SATB1: variants seen among roughly 807,000 people sequenced by gnomAD.
SATB1 encodes the protein SATB homeobox 1.
A neutral mutation model predicts 86.9 loss-of-function variants in SATB1; 11 were observed. The observed-to-expected ratio is 0.13, with a 90% confidence interval of 0.08 to 0.21. SATB1 has a LOEUF of 0.21. Among genes scored for constraint, SATB1 ranks in the 10% least tolerant of loss-of-function variants. The probability of loss-of-function intolerance (pLI) is 1.00; values close to 1 mark genes in which losing one functional copy is unlikely to be tolerated. For synonymous variants in SATB1, 357 were observed against 357.2 expected (o/e 1.00, Z 0.01); for missense variants, 551 against 937.6 (o/e 0.59, Z 5.39).
rs541604721 is a variant in SATB1 at position 18,425,073 on chromosome 3, T to C, written c.-1471A>G. On this transcript the variant is annotated 5_prime_UTR_variant, in exon 1 of 11. Transcript: ENST00000338745. ...GTTGACTCATCCCGGCCGCTGTCGC[T>C]GCCGCCGCCGTGCCCCGCTCGGCTC... 75 of 158,368 alleles carry C rather than the reference T, an allele frequency of 4.7e-4. 1 individual carries two copies. The Middle Eastern group carries it at 8.9e-3, about 19-fold the overall frequency. 9.8% of individuals were successfully genotyped at this position (158,368 alleles called of 1,614,324 possible). A position where few individuals can be genotyped will look rare whatever the true frequency, so the allele number is the denominator to read the frequency against.
chr3:18,426,414 G>T (rs1170044857), upstream of SATB1, among the ~76,000 whole-genome samples: 1 of 152,162 alleles, frequency 6.6e-6, no homozygotes, highest in Non-Finnish European at 1.5e-5. The surrounding 1 kb of genome is among the most constrained non-coding windows in gnomAD (Gnocchi z 4.2). Flanking sequence ...ATTTACGCTA[G>T]GCAAAAGAGG....
chr3:18,348,954 A>T lies in SATB1; in HGVS notation c.*216T>A. 1 of 699,022 alleles carries T rather than the reference A, an allele frequency of 1.4e-6. No individual in the cohort carries two copies. The highest frequency in any genetic ancestry group is 2.3e-6 in the Non-Finnish European group (1 of 440,278). 43.3% of individuals were successfully genotyped at this position (699,022 alleles called of 1,614,324 possible). On this transcript the variant is annotated 3_prime_UTR_variant, in exon 11 of 11. Transcript: ENST00000338745. ...AAATTTTAATACCAAACAATCCTTG[A>T]TGCTTCACCTGGGGCTGCCAAGCAG...
At chr3:18,442,823 C>T (rs1699275091), upstream of SATB1, among the ~76,000 whole-genome samples, 1 of 152,314 alleles carries the variant, frequency 6.6e-6, no homozygotes, top group Middle Eastern at 3.4e-3. Flanking sequence ...CATGCTATTC[C>T]TGTCTGCACA....
chr3:18,393,082 G>T (rs925304595), intron 7 of SATB1, among the ~76,000 whole-genome samples: 2 of 151,844 alleles, frequency 1.3e-5, no homozygotes, highest in Non-Finnish European at 1.5e-5. Flanking sequence ...AGTCACAGCT[G>T]GGATTCTCCT....
chr3:18,370,536 AGAGG>A (rs1559407441), intron 9 of SATB1, among the ~76,000 whole-genome samples: 19 of 140,940 alleles, frequency 1.3e-4, no homozygotes, highest in South Asian at 4.5e-4. Flanking sequence ...AAAAAAAAAA[AGAGG>A]AAAAACAAAA....
chr3:18,371,038 A>G (rs1177985733), intron 9 of SATB1, among the ~76,000 whole-genome samples: 2 of 152,212 alleles, frequency 1.3e-5, no homozygotes, highest in African/African-American at 2.4e-5. Context: ...ACCTTATTAT[A>G]TGACAGCATG....
chr3:18,388,041 A>G (rs1324950497), intron 7 of SATB1, among the ~76,000 whole-genome samples: 1 of 152,136 alleles, frequency 6.6e-6, no homozygotes, highest in Non-Finnish European at 1.5e-5. Context: ...GTCCATTTTA[A>G]AGTTGTCTCT....
intron 9 of SATB1, among the ~76,000 whole-genome samples, chr3:18,361,433 T>C (rs1396252567): frequency 6.6e-6 from 1 of 152,148 alleles, no homozygotes; most frequent in African/African-American, 2.4e-5. Context: ...CACAAGGGAT[T>C]TGAATATCAA....
chr3:18,355,746 C>T (rs997223973), intron 9 of SATB1, among the ~76,000 whole-genome samples: 4 of 151,932 alleles, frequency 2.6e-5, no homozygotes, highest in African/African-American at 9.7e-5. Flanking sequence ...GAACAGGGAA[C>T]TGTTCTCTAA....
intron 2 of SATB1, 193 bp from the exon 3 acceptor site, chr3:18,417,271 CAG>C (rs2125163646): frequency 1.7e-6 from 1 of 587,808 alleles, no homozygotes; most frequent in East Asian, 3.0e-5. Flanking sequence ...AAAGTCGTAA[CAG>C]AAATATTTAA....
At chr3:18,431,138 CA>C (rs1190601955) in intron 2 of SATB1, among the ~76,000 whole-genome samples, 2 of 152,054 alleles carry the variant, frequency 1.3e-5, no homozygotes, top group Non-Finnish European at 2.9e-5. Flanking sequence ...GACCCAGATC[CA>C]AAATCGAGTA....
Position 18,394,770 on chromosome 3 carries a change from G to A in SATB1, c.898C>T (p.Leu300Phe), listed in dbSNP as rs750201360. The change falls in exon 7 of 11, where the codon CTT (leucine) becomes TTT (phenylalanine). Residue 300 changes from leucine to phenylalanine, a missense_variant. Leu to Phe is a conservative substitution (Grantham distance 22, BLOSUM62 0). Around this residue, in one of 8 missense-constraint regions of SATB1, gnomAD observed 119 missense variants for 171.1 expected, o/e 0.70. Transcript: ENST00000338745. The surrounding 1 kb of genome is among the most constrained non-coding windows in gnomAD (Gnocchi z 5.9). ...ACGAGCCCAGGGTGCAGGTTTGGAA[G>A]AGGTGTCCGGACAGAGGGCTGGCTG... ...HGSQPSVRTP[L>F]PNLHPGLVST... The A allele has an allele frequency of 6.2e-7, 1 of 1,614,172 alleles. No homozygotes were observed. The highest frequency in any genetic ancestry group is 1.7e-5 in the Admixed American group (1 of 60,020).
chr3:18,358,404 G>A (rs1386507798), intron 9 of SATB1, among the ~76,000 whole-genome samples: 1 of 151,932 alleles, frequency 6.6e-6, no homozygotes, highest in Non-Finnish European at 1.5e-5. Flanking sequence ...AAAGATACAT[G>A]TTCTCCTCTA....
rs567912508 is a variant in SATB1, at chr3:18,406,838, G to A, written c.639+8273C>T. 2.4e-3 allele frequency among the ~76,000 whole-genome samples: 370 copies of A among 152,138 alleles called. 2 individuals are homozygous for A. The highest frequency in any genetic ancestry group is 4.0e-3 in the Admixed American group (61 of 15,254). On this transcript the variant is annotated intron_variant, in intron 5 of 10. Coordinates refer to ENST00000338745, the MANE Select transcript of SATB1 (RefSeq NM_002971.6). ...ATAAGATAGGATACTGTAGATAAAA[G>A]TATAAAGTACTACTAATACAACTAC...
Position 18,444,813 on chromosome 3 carries a change from C to A in SATB1, c.-25+705G>T. The A allele has an allele frequency of 4.3e-6, 1 of 234,042 alleles. No homozygotes were observed. The highest frequency in any genetic ancestry group is 6.9e-6 in the Non-Finnish European group (1 of 144,914). 14.5% of individuals were successfully genotyped at this position (234,042 alleles called of 1,614,324 possible). A position where few individuals can be genotyped will look rare whatever the true frequency, so the allele number is the denominator to read the frequency against. On this transcript the variant is annotated intron_variant, in intron 1 of 3. Coordinates refer to the SATB1 transcript ENST00000415069. This position sits in a 1 kb window ranked among gnomAD's most constrained non-coding sequence, Gnocchi z 5.1. The stretch of plus-strand genomic sequence containing the variant: ...GTCCTCTTTCCCCATACGAAGTGGG[C>A]GTTTAAAGGGGAGAGCGAGGCGAGG...
chr3:18,421,040 G>A (rs1429708647), intron 1 of SATB1, 49 bp from the exon 2 acceptor site: 13 of 1,220,952 alleles, frequency 1.1e-5, no homozygotes, highest in South Asian at 8.7e-5. Context: ...GGGGACCTAC[G>A]TGTATATATG....
At chr3:18,369,066 C>T (rs78798923) in intron 9 of SATB1, among the ~76,000 whole-genome samples, 4,010 of 151,650 alleles carry the variant, frequency 0.026, 179 homozygotes, top group African/African-American at 0.09. Flanking sequence ...CACAAATCCA[C>T]AAATATCTCC....
At chr3:18,389,057 G>C (rs1373751083) in intron 7 of SATB1, among the ~76,000 whole-genome samples, 2 of 152,048 alleles carry the variant, frequency 1.3e-5, no homozygotes, top group African/African-American at 4.8e-5. Context: ...CCTATATTTT[G>C]ATGTTGGTGT....
intron 5 of SATB1, among the ~76,000 whole-genome samples, chr3:18,408,410 T>G (rs1697658494): frequency 6.6e-6 from 1 of 152,006 alleles, no homozygotes; most frequent in African/African-American, 2.4e-5. Context: ...TGAGTTAAAA[T>G]TAAAACTGAA....
Sources: gnomAD v4.1 joint callset for allele counts (sites outside exome capture counted in the v4.1 genomes callset) on GRCh38, gnomAD v4.1.1 for gene constraint, gnomAD v4.1.1 regional missense constraint, Gnocchi (gnomAD v3.1) non-coding constraint, MANE v1.5 for transcripts, NCBI Gene and HGNC (gene_info 2026-07-23, HGNC 2026-07-21) for gene names.